The following ICE1 variants were observed in gnomAD, a reference collection of about 807,000 sequenced individuals.
The protein encoded by ICE1 is little elongation complex subunit 1.
Under a neutral mutation model 192.7 loss-of-function variants are expected in ICE1, and 64 were observed. The ratio of observed to expected loss-of-function variants is 0.33; its 90% CI spans 0.27 to 0.41. The LOEUF (loss-of-function observed/expected upper bound fraction) is 0.41, where lower values mean the gene tolerates loss of function less well. Ranked by LOEUF, ICE1 falls within the 10% of genes least tolerant of loss-of-function variation. The pLI is 1.00. For synonymous variants in ICE1, 1,010 were observed against 984.5 expected (o/e 1.03, Z -0.49); for missense variants, 2,708 against 2,696.0 (o/e 1.00, Z -0.10).
intron 15 of ICE1, among the ~76,000 whole-genome samples, chr5:5,472,784 A>G (rs1195488071): frequency 6.6e-6 from 1 of 152,148 alleles, no homozygotes; most frequent in Non-Finnish European, 1.5e-5. Context: ...TATTTTTATA[A>G]TGAAACTCAT....
rs1737350467 is a variant in ICE1, at chr5:5,422,893, C to T, written c.-23C>T. On this transcript the variant is annotated 5_prime_UTR_variant, in exon 1 of 19. Transcript: ENST00000296564. The stretch of plus-strand genomic sequence containing the variant: ...CCGCGGGCCCCTGAGGCGTGCGTGC[C>T]CACCGGGCCCGGCGGCGGCACCATG... 2.2e-6 allele frequency: 3 copies of T among 1,362,142 alleles called. No individual in the cohort carries two copies. Among genetic ancestry groups the T allele is most frequent in the South Asian group, 1.7e-5 (1 of 58,540 alleles). 84.4% of individuals were successfully genotyped at this position (1,362,142 alleles called of 1,614,324 possible). A position where few individuals can be genotyped will look rare whatever the true frequency, so the allele number is the denominator to read the frequency against.
intron 18 of ICE1, among the ~76,000 whole-genome samples, chr5:5,488,723 A>G (rs1292139118): frequency 6.6e-6 from 1 of 152,212 alleles, no homozygotes; most frequent in Non-Finnish European, 1.5e-5. Flanking sequence ...CTCATTTCCA[A>G]AGTCCATTTA....
At chr5:5,479,417 G>A (rs917742256) in intron 17 of ICE1, among the ~76,000 whole-genome samples, 2 of 152,180 alleles carry the variant, frequency 1.3e-5, no homozygotes, top group African/African-American at 4.8e-5. Flanking sequence ...TAGTTAGGAT[G>A]GTGATCATTA....
chr5:5,443,172 C>A lies in ICE1; in HGVS notation c.314C>A (p.Ser105Tyr), dbSNP rs1166787662. The A allele has an allele frequency of 3.4e-6, 5 of 1,478,780 alleles. No homozygotes were observed. The highest frequency in any genetic ancestry group is 1.3e-5 in the South Asian group (1 of 76,224). 91.6% of individuals were successfully genotyped at this position (1,478,780 alleles called of 1,614,324 possible). ...LKAELEEKKS[S>Y]LKLYQDTHQE... ...GTTTTTTTTCTTTTTTTAAAGAGTTCTTTAAAGTTGTATCAGGATACTCAT... is the reference window on the plus strand; with the variant it reads ...GTTTTTTTTCTTTTTTTAAAGAGTTATTTAAAGTTGTATCAGGATACTCAT... The change falls in exon 6 of 19, where the codon TCT becomes TAT. Residue 105 changes from serine to tyrosine, a missense_variant. Around this residue, in one of 2 missense-constraint regions of ICE1, gnomAD observed 2,366 missense variants for 2,276.6 expected, o/e 1.04. Transcript: ENST00000296564.
At chr5:5,457,776 G>A in intron 12 of ICE1, 35 bp downstream of exon 12, 1 of 1,563,314 alleles carries the variant, frequency 6.4e-7, no homozygotes, top group Non-Finnish European at 8.8e-7. Flanking sequence ...ATTACCAAGT[G>A]GGTACATTGT....
intron 10 of ICE1, among the ~76,000 whole-genome samples, chr5:5,451,693 A>T (rs896412804): frequency 1.3e-5 from 2 of 152,186 alleles, no homozygotes; most frequent in Admixed American, 6.5e-5. Flanking sequence ...ATAGTTAAAG[A>T]TCTAACACCA....
chr5:5,429,774 CA>C (rs1737642761), intron 1 of ICE1, among the ~76,000 whole-genome samples: 1 of 152,096 alleles, frequency 6.6e-6, no homozygotes, highest in East Asian at 1.9e-4. Context: ...TCTACTTCCC[CA>C]AGAAAGGAAG....
chr5:5,455,869 A>T (rs1472248354), intron 11 of ICE1, among the ~76,000 whole-genome samples: 1 of 152,124 alleles, frequency 6.6e-6, no homozygotes, highest in Non-Finnish European at 1.5e-5. Flanking sequence ...TTCCCCAGGA[A>T]TCCTCCTTTC....
chr5:5,460,176 T>C (rs1475921667), intron 12 of ICE1, among the ~76,000 whole-genome samples: 1 of 152,038 alleles, frequency 6.6e-6, no homozygotes, highest in African/African-American at 2.4e-5. Context: ...TAGAGTGGGG[T>C]GTGACACTTG....
intron 12 of ICE1, among the ~76,000 whole-genome samples, chr5:5,459,500 C>T (rs1738688953): frequency 6.6e-6 from 1 of 152,060 alleles, no homozygotes; most frequent in South Asian, 2.1e-4. Context: ...CTGATGTCAT[C>T]CAGTAAGAGT....
intron 1 of ICE1, among the ~76,000 whole-genome samples, chr5:5,432,624 C>G (rs1737754998): frequency 1.3e-5 from 2 of 152,116 alleles, no homozygotes; most frequent in South Asian, 4.1e-4. Context: ...ATTTTATATT[C>G]CCACCAGCAA....
intron 5 of ICE1, 131 bp downstream of exon 5, chr5:5,441,354 T>C (rs1192341761): frequency 4.9e-6 from 3 of 615,504 alleles, no homozygotes; most frequent in Non-Finnish European, 8.7e-6. Context: ...CAGTGTATTA[T>C]TAGCTTTAGA....
rs747895352 is a variant in ICE1, at chr5:5,436,403, CT to C, written c.85-8del. 19 of 1,444,952 alleles carry C rather than the reference CT, an allele frequency of 1.3e-5. No homozygotes were observed. In the Admixed American group the frequency reaches 1.4e-4, roughly 11 times the overall value. 89.5% of individuals were successfully genotyped at this position (1,444,952 alleles called of 1,614,324 possible). A position where few individuals can be genotyped will look rare whatever the true frequency, so the allele number is the denominator to read the frequency against. On this transcript the variant is annotated splice_polypyrimidine_tract_variant and intron_variant, in intron 1 of 18. Transcript: ENST00000296564. ...TAATTGATAAAAAAGCTGACTGTGG[CT>C]TTTTTTCTTTCAGAATTTGAATGAA...
At chr5:5,472,642 T>C (rs1365331532) in intron 15 of ICE1, among the ~76,000 whole-genome samples, 1 of 152,148 alleles carries the variant, frequency 6.6e-6, no homozygotes, top group Non-Finnish European at 1.5e-5. Flanking sequence ...TATAGAAACC[T>C]TGAGACTTAG....
intron 14 of ICE1, among the ~76,000 whole-genome samples, chr5:5,468,148 A>G (rs1259926566): frequency 1.3e-5 from 2 of 152,250 alleles, no homozygotes; most frequent in African/African-American, 4.8e-5. Flanking sequence ...TGGGGAAGCC[A>G]GACAGAAGAA....
At chr5:5,439,306 G>C (rs1332503067) in intron 3 of ICE1, among the ~76,000 whole-genome samples, 2 of 152,020 alleles carry the variant, frequency 1.3e-5, no homozygotes, top group Non-Finnish European at 2.9e-5. Context: ...GTCCTATATT[G>C]TGATAAAAAT....
In ICE1 at chr5:5,457,131, C is replaced by T. The variant is rs146071953; in HGVS notation, c.692-201C>T. ...CCTGTCTGTCTCACTTTTCTTACTG[C>T]AAGGCTAGCATACTTGTATGAAATG... On this transcript the variant is annotated intron_variant, in intron 11 of 18. Coordinates refer to ENST00000296564, the MANE Select transcript of ICE1 (RefSeq NM_015325.3). Among the ~76,000 whole-genome samples the T allele has an allele frequency of 2.2e-3, 342 of 152,240 alleles. 1 individual carries two copies. The highest frequency in any genetic ancestry group is 6.8e-3 in the Middle Eastern group (2 of 294).
Position 5,447,483 on chromosome 5 carries a change from C to T in ICE1, c.481C>T (p.Leu161Phe). Residue 161 changes from leucine (L) to phenylalanine (F), a missense_variant, in exon 8 of 19, where the codon CTT becomes TTT. By Grantham distance (22) the Leu-to-Phe change is conservative. Around this residue, in one of 2 missense-constraint regions of ICE1, gnomAD observed 2,366 missense variants for 2,276.6 expected, o/e 1.04. Coordinates refer to ENST00000296564, the MANE Select transcript of ICE1 (RefSeq NM_015325.3). Reference protein sequence around the residue: ...FKQLRNEKKILEKEFKKTQER... With the variant: ...FKQLRNEKKIFEKEFKKTQER... ...GCAACTGAGAAATGAAAAGAAAATA[C>T]TTGAAAAGGAATTTAAGAAGACACA... 1.3e-6 allele frequency: 2 copies of T among 1,552,140 alleles called. No individual in the cohort carries two copies. Among genetic ancestry groups the T allele is most frequent in the Non-Finnish European group, 1.7e-6 (2 of 1,147,182 alleles).
At chr5:5,440,017 A>G in intron 4 of ICE1, 104 bp downstream of exon 4, 1 of 642,462 alleles carries the variant, frequency 1.6e-6, no homozygotes, top group Non-Finnish European at 2.6e-6. Flanking sequence ...AGCAAAATGT[A>G]CATAGGATTA....
Sources: gnomAD v4.1 joint callset for allele counts (sites outside exome capture counted in the v4.1 genomes callset) on GRCh38, gnomAD v4.1.1 for gene constraint, gnomAD v4.1.1 regional missense constraint, MANE v1.5 for transcripts, NCBI Gene and HGNC (gene_info 2026-07-23, HGNC 2026-07-21) for gene names.